The following VPS13A variants were observed in gnomAD, a reference collection of about 807,000 sequenced individuals.
VPS13A encodes the protein intermembrane lipid transfer protein VPS13A.
VPS13A carries 264 observed loss-of-function variants against 390.9 expected under a neutral mutation model. The ratio of observed to expected loss-of-function variants is 0.68; its 90% confidence interval spans 0.61 to 0.75. VPS13A has a LOEUF of 0.75. VPS13A is among the 30% of genes least tolerant of loss of function. The probability of loss-of-function intolerance (pLI) is 0.00; values close to 1 mark genes in which losing one functional copy is unlikely to be tolerated. For synonymous variants in VPS13A, 1,231 were observed against 1,227.1 expected, an observed-to-expected ratio of 1.00 and a Z score of -0.07; for missense variants, 3,409 against 3,733.9, an observed-to-expected ratio of 0.91 and a Z score of 2.27.
At chr9:77,291,519 T>G (rs1413951442) in intron 31 of VPS13A, among the ~76,000 whole-genome samples, 1 of 152,142 alleles carries the variant, frequency 6.6e-6, no homozygotes, top group Non-Finnish European at 1.5e-5. Context: ...TTAATACGAT[T>G]TCCTTCACTA....
chr9:77,274,290 T>G (rs1471691846), intron 24 of VPS13A, among the ~76,000 whole-genome samples: 1 of 151,696 alleles, frequency 6.6e-6, no homozygotes, highest in Non-Finnish European at 1.5e-5. Flanking sequence ...TAGCTGGGAG[T>G]GGTGCTGCAC....
chr9:77,230,575 C>T (rs1188909133), intron 17 of VPS13A, among the ~76,000 whole-genome samples: 1 of 151,952 alleles, frequency 6.6e-6, no homozygotes, highest in African/African-American at 2.4e-5. Context: ...AATTCTAATC[C>T]CATTGTTCTA....
chr9:77,253,514 C>T (rs1825261443), intron 22 of VPS13A, among the ~76,000 whole-genome samples: 1 of 152,088 alleles, frequency 6.6e-6, no homozygotes, highest in South Asian at 2.1e-4. Flanking sequence ...ACCGTGTTAG[C>T]CAGGGTGGGC....
At chr9:77,211,285 T>G (rs1330039851) in intron 7 of VPS13A, 6 of 152,184 alleles carry the variant, frequency 3.9e-5, no homozygotes, top group African/African-American at 1.4e-4. Flanking sequence ...TCCCCAGAGA[T>G]AAGTATCCTA....
At chr9:77,382,110 AATTAAG>A (rs1490011198) in intron 68 of VPS13A, 23 bp downstream of exon 68, 2 of 1,558,926 alleles carry the variant, frequency 1.3e-6, no homozygotes. Flanking sequence ...CTATCTTATA[AATTAAG>A]ATTAATTTAG....
At chr9:77,318,925 G>A (rs1171482509) in intron 41 of VPS13A, among the ~76,000 whole-genome samples, 2 of 151,950 alleles carry the variant, frequency 1.3e-5, no homozygotes, top group Non-Finnish European at 2.9e-5. Flanking sequence ...CAGGCCCAGT[G>A]GCTCACCTGT....
intron 47 of VPS13A, 98 bp from the exon 48 acceptor site, chr9:77,339,418 G>A (rs1830697477): frequency 3.3e-6 from 4 of 1,224,736 alleles, no homozygotes; most frequent in African/African-American, 1.5e-5. Flanking sequence ...TATTTCAAAA[G>A]CATTTTTTGC....
chr9:77,310,187 A>C (rs768148869), intron 35 of VPS13A, among the ~76,000 whole-genome samples: 9 of 152,186 alleles, frequency 5.9e-5, no homozygotes, highest in Non-Finnish European at 1.2e-4. Context: ...AAAGTCAGGA[A>C]ATCTAGGAAA....
chr9:77,335,854 T>C (rs941161125), intron 46 of VPS13A, among the ~76,000 whole-genome samples: 4 of 152,196 alleles, frequency 2.6e-5, no homozygotes, highest in Admixed American at 1.3e-4. Flanking sequence ...CATTACTGGG[T>C]ATATACCCAA....
chr9:77,316,916 A>T (rs975455046), intron 39 of VPS13A, among the ~76,000 whole-genome samples: 17 of 152,012 alleles, frequency 1.1e-4, no homozygotes, highest in African/African-American at 4.1e-4. Flanking sequence ...CCTCCTCTTC[A>T]TAACTCTACT....
At chr9:77,396,905 A>C (rs908753550) in intron 68 of VPS13A, among the ~76,000 whole-genome samples, 1 of 152,214 alleles carries the variant, frequency 6.6e-6, no homozygotes, top group African/African-American at 2.4e-5. Context: ...GGAACCCTCA[A>C]ATTAACCAGT....
intron 44 of VPS13A, among the ~76,000 whole-genome samples, chr9:77,322,496 T>C (rs1829805376): frequency 6.6e-6 from 1 of 151,964 alleles, no homozygotes; most frequent in Non-Finnish European, 1.5e-5. Context: ...GTGTTTCAGG[T>C]GTTGTCATAG....
chr9:77,178,510 CTT>C (rs1823797569), intron 1 of VPS13A, among the ~76,000 whole-genome samples: 1 of 152,170 alleles, frequency 6.6e-6, no homozygotes, highest in Non-Finnish European at 1.5e-5. Context: ...ATTTTCAAGA[CTT>C]TAGGATATGT....
chr9:77,375,035 C>T (rs940048144), intron 67 of VPS13A, among the ~76,000 whole-genome samples: 4 of 152,106 alleles, frequency 2.6e-5, no homozygotes, highest in Non-Finnish European at 5.9e-5. Context: ...TCATTCTCCT[C>T]TACCTGTAAC....
At position 77,212,503 on chromosome 9, in the gene VPS13A, G is replaced by A. The variant is rs1163355367; in HGVS notation, c.556-466G>A. Among the ~76,000 whole-genome samples, 19 of 152,026 alleles carry A rather than the reference G, an allele frequency of 1.2e-4. 1 individual carries two copies. Among genetic ancestry groups the A allele is most frequent in the Middle Eastern group, 3.4e-3 (1 of 294 alleles). ...CCATGCCCTCTCAATGAAATGAGAG[G>A]GCATTTTTTTTGTAGAGACAAGGTC... On this transcript the variant is annotated intron_variant, in intron 7 of 71. Coordinates refer to ENST00000360280, the MANE Select transcript of VPS13A (RefSeq NM_033305.3).
chr9:77,390,225 TGAATG>T, intron 68 of VPS13A: 3 of 620,968 alleles, frequency 4.8e-6, no homozygotes, highest in African/African-American at 2.0e-5. Flanking sequence ...AGGATACTTC[TGAATG>T]GGATGAGAAC....
Position 77,353,656 on chromosome 9 carries a change from A to T in VPS13A, c.7652+15A>T. 2 of 1,590,188 alleles carry T rather than the reference A, an allele frequency of 1.3e-6. No individual in the cohort carries two copies. The highest frequency in any genetic ancestry group is 1.7e-6 in the Non-Finnish European group (2 of 1,159,114). Reference sequence around the variant, plus strand: ...GGCATTACAAGGTTAGATGCATTAAATTTTGGATACATTTAAATGATCAGT... The same window carrying T: ...GGCATTACAAGGTTAGATGCATTAATTTTTGGATACATTTAAATGATCAGT... On this transcript the variant is annotated intron_variant, in intron 54 of 71. Transcript: ENST00000360280.
At chr9:77,414,616 C>T (rs1319621497) in intron 71 of VPS13A, among the ~76,000 whole-genome samples, 1 of 151,910 alleles carries the variant, frequency 6.6e-6, no homozygotes, top group African/African-American at 2.4e-5. Context: ...GGAGGGATAG[C>T]ATTAGGAGAT....
At chr9:77,397,064 C>CT (rs1834146211) in intron 68 of VPS13A, among the ~76,000 whole-genome samples, 1 of 152,226 alleles carries the variant, frequency 6.6e-6, no homozygotes. Flanking sequence ...TCTCAGCTCA[C>CT]TGCAACCTCT....
Sources: gnomAD v4.1 joint callset for allele counts (sites outside exome capture counted in the v4.1 genomes callset) on GRCh38, gnomAD v4.1.1 for gene constraint, MANE v1.5 for transcripts, NCBI Gene and HGNC (gene_info 2026-07-23, HGNC 2026-07-21) for gene names.